The following ANKS1B variants were observed in gnomAD, a reference collection of about 807,000 sequenced individuals.
ANKS1B encodes the protein ankyrin repeat and sterile alpha motif domain containing 1B.
A neutral mutation model predicts 148.3 loss-of-function variants in ANKS1B; 36 were observed. That is an observed-to-expected ratio of 0.24 (90% confidence interval 0.19 to 0.32). The LOEUF (loss-of-function observed/expected upper bound fraction) is 0.32, where lower values mean the gene tolerates loss of function less well. Among genes scored for constraint, ANKS1B ranks in the 10% least tolerant of loss-of-function variants. The probability of loss-of-function intolerance (pLI) is 1.00; values close to 1 mark genes in which losing one functional copy is unlikely to be tolerated. For missense variants in ANKS1B, 1,157 were observed against 1,542.6 expected (o/e 0.75, Z 4.19); for synonymous variants, 542 against 560.8 (o/e 0.97, Z 0.47).
chr12:99,812,299 G>C lies in ANKS1B; in HGVS notation c.228C>G (p.Leu76=). Residue 76 remains leucine (L), a synonymous_variant, in exon 3 of 27, where the codon CTC becomes CTG. Transcript: ENST00000683438. ...TTGATGCCTCATACTGAAGTAGTTTGAGAACTATGTCCCTAAAAAGGAAAA... is the reference window on the plus strand; with the variant it reads ...TTGATGCCTCATACTGAAGTAGTTTCAGAACTATGTCCCTAAAAAGGAAAA... ...AALNGHKDIV[L]KLLQYEASTN... is the part of the protein sequence containing the mutation. 2 of 1,610,608 alleles carry C rather than the reference G, an allele frequency of 1.2e-6. No homozygotes were observed. The highest frequency in any genetic ancestry group is 1.7e-6 in the Non-Finnish European group (2 of 1,177,956).
chr12:99,079,728 A>G (rs1252280176), intron 16 of ANKS1B: 1 of 152,170 alleles, frequency 6.6e-6, no homozygotes, highest in African/African-American at 2.4e-5. Flanking sequence ...GGGGTTAACA[A>G]GAATCCTTGA....
intron 24 of ANKS1B, among the ~76,000 whole-genome samples, chr12:98,777,126 G>C (rs1312311424): frequency 7.9e-5 from 12 of 152,156 alleles, no homozygotes; most frequent in Non-Finnish European, 1.0e-4. Flanking sequence ...CCAGGAGTTT[G>C]AGGTTACAGT....
intron 22 of ANKS1B, among the ~76,000 whole-genome samples, chr12:98,783,180 C>T (rs555882844): frequency 6.6e-6 from 1 of 152,318 alleles, no homozygotes; most frequent in East Asian, 1.9e-4. Context: ...AAAATCTATT[C>T]GTTATTTGTT....
chr12:99,705,381 T>A (rs2055574088), intron 8 of ANKS1B, among the ~76,000 whole-genome samples: 1 of 151,984 alleles, frequency 6.6e-6, no homozygotes, highest in African/African-American at 2.4e-5. Flanking sequence ...CCTAAGAACT[T>A]CCCATTAGGA....
rs182064581 is a variant in ANKS1B, at chr12:99,393,544, G to C, written c.1756+6087C>G. On this transcript the variant is annotated intron_variant, in intron 12 of 26. Coordinates refer to ENST00000683438, the MANE Select transcript of ANKS1B (RefSeq NM_001352186.2). ...CGCAGTGAATGTTATGTCTTTAGAA[G>C]TATCAAACATTTCTTCCAGGAAATT... 6.6e-5 allele frequency among the ~76,000 whole-genome samples: 10 copies of C among 152,282 alleles called. No homozygotes were observed. In the East Asian group the frequency reaches 1.9e-3, roughly 29 times the overall value.
intron 10 of ANKS1B, among the ~76,000 whole-genome samples, chr12:99,480,391 A>T (rs575418180): frequency 1.3e-4 from 19 of 151,994 alleles, no homozygotes; most frequent in African/African-American, 4.6e-4. Context: ...CAATAAAGGA[A>T]TTTTTTTGTT....
At chr12:99,286,146 C>T (rs1040353744) in intron 12 of ANKS1B, among the ~76,000 whole-genome samples, 4 of 151,438 alleles carry the variant, frequency 2.6e-5, no homozygotes, top group African/African-American at 9.7e-5. Context: ...AGGATTCACA[C>T]CTTCCTTCTG....
rs114684793 is a variant in ANKS1B at position 99,837,541 on chromosome 12, T to C, written c.135-12152A>G. ...TAGAAACTATGCAAAATGCTTTGTA[T>C]TGATTACCTAAGTTAATCTTCATAA... On this transcript the variant is annotated intron_variant, in intron 1 of 26. Coordinates refer to ENST00000683438, the MANE Select transcript of ANKS1B (RefSeq NM_001352186.2). Among the ~76,000 whole-genome samples the C allele has an allele frequency of 7.9e-3, 1,202 of 152,316 alleles. 14 individuals are homozygous for C. The highest frequency in any genetic ancestry group is 0.027 in the African/African-American group (1,128 of 41,578).
chr12:99,135,742 A>T (rs2067815077), intron 15 of ANKS1B, among the ~76,000 whole-genome samples: 1 of 152,204 alleles, frequency 6.6e-6, no homozygotes, highest in Non-Finnish European at 1.5e-5. Context: ...TTCTTTTATA[A>T]ACAGTTATTT....
At chr12:99,601,514 T>C (rs977623636) in intron 9 of ANKS1B, among the ~76,000 whole-genome samples, 6 of 152,112 alleles carry the variant, frequency 3.9e-5, no homozygotes, top group Non-Finnish European at 7.4e-5. Flanking sequence ...CTATTTTGCA[T>C]ATATAATTGG....
intron 12 of ANKS1B, among the ~76,000 whole-genome samples, chr12:99,328,350 G>C (rs1273684968): frequency 1.3e-5 from 2 of 151,868 alleles, no homozygotes; most frequent in Non-Finnish European, 2.9e-5. Flanking sequence ...ATCCATAGAG[G>C]AACTCCCTCG....
intron 9 of ANKS1B, among the ~76,000 whole-genome samples, chr12:99,593,418 AATAAT>A (rs1375245600): frequency 6.6e-6 from 1 of 152,170 alleles, no homozygotes; most frequent in Non-Finnish European, 1.5e-5. Context: ...TCAGAAGCAC[AATAAT>A]ATAATTTATA....
chr12:99,257,348 CCT>C (rs1245680329), intron 12 of ANKS1B, among the ~76,000 whole-genome samples: 4 of 152,126 alleles, frequency 2.6e-5, no homozygotes, highest in African/African-American at 9.7e-5. Context: ...CCTCTTTGCC[CCT>C]CTGTGATACA....
chr12:99,670,687 T>A (rs944117888), intron 8 of ANKS1B, among the ~76,000 whole-genome samples: 2 of 151,942 alleles, frequency 1.3e-5, no homozygotes, highest in African/African-American at 4.8e-5. Context: ...AAACAAGGTA[T>A]TAGAAAACAT....
chr12:99,499,107 C>A (rs75642223), intron 10 of ANKS1B, among the ~76,000 whole-genome samples: 1 of 152,128 alleles, frequency 6.6e-6, no homozygotes, highest in East Asian at 1.9e-4. Context: ...CCTGCTATGG[C>A]GCTTATTGGG....
At chr12:99,586,705 TCA>T (rs2097645425) in intron 9 of ANKS1B, among the ~76,000 whole-genome samples, 2 of 152,284 alleles carry the variant, frequency 1.3e-5, no homozygotes, top group African/African-American at 2.4e-5. Context: ...TTTAACTGAC[TCA>T]CAGTTCCACA....
At chr12:99,543,828 T>C (rs1324374346) in intron 9 of ANKS1B, among the ~76,000 whole-genome samples, 1 of 152,100 alleles carries the variant, frequency 6.6e-6, no homozygotes, top group African/African-American at 2.4e-5. Context: ...GTATGCCAAC[T>C]TAGTGGTAGA....
chr12:99,443,186 T>G (rs1324524666), intron 11 of ANKS1B, among the ~76,000 whole-genome samples: 1 of 151,826 alleles, frequency 6.6e-6, no homozygotes. Flanking sequence ...CTGGGAACAC[T>G]GGAGGAAAAC....
At chr12:99,326,715 T>A (rs1042457449) in intron 12 of ANKS1B, among the ~76,000 whole-genome samples, 4 of 151,708 alleles carry the variant, frequency 2.6e-5, no homozygotes, top group African/African-American at 9.7e-5. Flanking sequence ...ATTTTAATTT[T>A]TTTTTTACAA....
Sources: allele counts gnomAD v4.1 joint callset (sites outside exome capture counted in the v4.1 genomes callset), GRCh38; gene constraint gnomAD v4.1.1; transcripts MANE v1.5; gene names NCBI Gene and HGNC (gene_info 2026-07-23, HGNC 2026-07-21).